Variants in LRSAM1 observed in about 807,000 individuals in gnomAD.
LRSAM1 encodes leucine rich repeat and sterile alpha motif containing 1.
Under a neutral mutation model 118.1 loss-of-function variants are expected in LRSAM1, and 96 were observed. That is an observed-to-expected ratio of 0.81 (90% CI 0.69 to 0.96). The LOEUF is 0.96. LRSAM1 is among the 40% of genes least tolerant of loss of function. The probability of loss-of-function intolerance (pLI) is 0.00; values close to 1 mark genes in which losing one functional copy is unlikely to be tolerated. For missense variants in LRSAM1, 804 were observed against 915.5 expected (o/e 0.88, Z 1.57); for synonymous variants, 322 against 364.2 (o/e 0.88, Z 1.32).
intron 24 of LRSAM1, among the ~76,000 whole-genome samples, chr9:127,498,083 T>C (rs1836226269): frequency 6.6e-6 from 1 of 152,134 alleles, no homozygotes; most frequent in Non-Finnish European, 1.5e-5. Flanking sequence ...GCTGCTGGGC[T>C]GGGCGAGGCT....
intron 10 of LRSAM1, among the ~76,000 whole-genome samples, chr9:127,472,345 A>G (rs1482951066): frequency 2.0e-5 from 3 of 152,144 alleles, no homozygotes; most frequent in Middle Eastern, 3.4e-3. Flanking sequence ...TTGACCTTTT[A>G]AAAAACATTA....
chr9:127,466,515 TTTTTTTTTTTTTTTTC>T (rs1163086583), intron 9 of LRSAM1, among the ~76,000 whole-genome samples: 23 of 88,932 alleles, frequency 2.6e-4, no homozygotes, highest in African/African-American at 9.9e-4. Context: ...TTTTTTTTTT[TTTTTTTTTTTTTTTTC>T]CACTAGAGAT....
At chr9:127,492,439 G>A (rs928452055) in intron 20 of LRSAM1, among the ~76,000 whole-genome samples, 3 of 152,202 alleles carry the variant, frequency 2.0e-5, no homozygotes, top group East Asian at 1.9e-4. Flanking sequence ...TGGTTTGCAC[G>A]CACCTCCATT....
At chr9:127,464,490 A>G (rs1367789024) in intron 9 of LRSAM1, among the ~76,000 whole-genome samples, 1 of 152,192 alleles carries the variant, frequency 6.6e-6, no homozygotes, top group Non-Finnish European at 1.5e-5. Flanking sequence ...GCTTGTGTGT[A>G]CAGCCAGGAA....
At chr9:127,493,088 G>T (rs1588134508) in intron 21 of LRSAM1, among the ~76,000 whole-genome samples, 191 bp downstream of exon 21, 1 of 152,182 alleles carries the variant, frequency 6.6e-6, no homozygotes, top group Non-Finnish European at 1.5e-5. Context: ...TTGAGACAGG[G>T]TCTCACTCTG....
At chr9:127,491,123 C>T in intron 19 of LRSAM1, 92 bp from the exon 20 acceptor site, 1 of 1,093,350 alleles carries the variant, frequency 9.1e-7, no homozygotes, top group Non-Finnish European at 1.4e-6. Context: ...AGAAAGGCTT[C>T]TTAGACCCAC....
chr9:127,452,794 G>T (rs1174836280), intron 2 of LRSAM1, among the ~76,000 whole-genome samples: 1 of 152,206 alleles, frequency 6.6e-6, no homozygotes, highest in African/African-American at 2.4e-5. Flanking sequence ...TCATCCCAAA[G>T]CCTGTGCTGC....
At chr9:127,499,553 T>C (rs1035837665) in intron 24 of LRSAM1, among the ~76,000 whole-genome samples, 2 of 150,748 alleles carry the variant, frequency 1.3e-5, no homozygotes, top group African/African-American at 4.9e-5. Context: ...TATATATATA[T>C]ATATGAATGC....
intron 11 of LRSAM1, among the ~76,000 whole-genome samples, chr9:127,477,827 C>T (rs1288522100): frequency 6.6e-6 from 1 of 152,132 alleles, no homozygotes; most frequent in Non-Finnish European, 1.5e-5. Flanking sequence ...GCAAATGGAT[C>T]ACCTGAGGTC....
At chr9:127,469,748 C>T (rs908343545) in intron 10 of LRSAM1, among the ~76,000 whole-genome samples, 6 of 152,050 alleles carry the variant, frequency 3.9e-5, no homozygotes, top group African/African-American at 1.4e-4. Flanking sequence ...CGGATCATGA[C>T]GTCAGAAGAT....
chr9:127,501,279 A>G (rs1836382469), intron 25 of LRSAM1, 136 bp downstream of exon 25: 6 of 1,182,304 alleles, frequency 5.1e-6, no homozygotes, highest in Non-Finnish European at 7.0e-6. Context: ...AGAAGGCAGG[A>G]AATAAAGATG....
chr9:127,500,358 CAAAAAA>C (rs563842364), intron 24 of LRSAM1, among the ~76,000 whole-genome samples: 5 of 93,540 alleles, frequency 5.3e-5, no homozygotes, highest in East Asian at 3.1e-4. Flanking sequence ...GAGACTGTCT[CAAAAAA>C]AAAAAAAAAA....
In LRSAM1 at chr9:127,495,352, G is replaced by A. The variant is rs762712712; in HGVS notation, c.1632G>A (p.Gln544=). The part of the protein sequence containing the change: ...TELEAKSETR[Q]ENYWLIQYQR... ...TAGAAGCCAAAAGTGAAACCAGGCA[G>A]GAAAATTACTGGCTGATTCAGTATC... The change falls in exon 22 of 26, where the codon CAG becomes CAA. Residue 544 remains glutamine, a synonymous_variant. Coordinates refer to ENST00000300417, the MANE Select transcript of LRSAM1 (RefSeq NM_001005373.4). 5.8e-5 allele frequency: 94 copies of A among 1,613,988 alleles called. No individual in the cohort carries two copies. Among genetic ancestry groups the A allele is most frequent in the Non-Finnish European group, 7.8e-5 (92 of 1,180,010 alleles).
chr9:127,469,339 A>G (rs967994225), intron 10 of LRSAM1, among the ~76,000 whole-genome samples: 3 of 152,080 alleles, frequency 2.0e-5, no homozygotes, highest in Non-Finnish European at 4.4e-5. Flanking sequence ...GCATGGTGGC[A>G]GGCACCTGTA....
intron 8 of LRSAM1, among the ~76,000 whole-genome samples, chr9:127,461,520 C>G (rs1248282010): frequency 2.0e-5 from 3 of 152,238 alleles, no homozygotes; most frequent in African/African-American, 4.8e-5. Context: ...GAGCCTCAGT[C>G]ACTCATATTT....
chr9:127,455,137 A>T (rs1834469203), intron 4 of LRSAM1, 83 bp downstream of exon 4: 2 of 1,395,116 alleles, frequency 1.4e-6, no homozygotes, highest in Admixed American at 1.7e-5. Flanking sequence ...ACAGAGGTGG[A>T]CTGGGGCTTT....
intron 24 of LRSAM1, among the ~76,000 whole-genome samples, chr9:127,498,742 A>C (rs1044270237): frequency 1.3e-5 from 2 of 152,164 alleles, no homozygotes; most frequent in Admixed American, 6.5e-5. Context: ...TTACTCCCAG[A>C]AATCGGTATA....
chr9:127,500,804 C>T (rs967903392), intron 24 of LRSAM1, among the ~76,000 whole-genome samples: 1 of 152,210 alleles, frequency 6.6e-6, no homozygotes, highest in African/African-American at 2.4e-5. Context: ...AGAGACTTCA[C>T]TCCCATTCTG....
intron 2 of LRSAM1, among the ~76,000 whole-genome samples, chr9:127,454,270 G>T (rs1834433987): frequency 6.6e-6 from 1 of 151,820 alleles, no homozygotes; most frequent in Admixed American, 6.6e-5. Context: ...AAAAGATGCA[G>T]CCTCTGCCCC....
Sources: gnomAD v4.1 joint callset for allele counts (sites outside exome capture counted in the v4.1 genomes callset) on GRCh38, gnomAD v4.1.1 for gene constraint, MANE v1.5 for transcripts, NCBI Gene and HGNC (gene_info 2026-07-23, HGNC 2026-07-21) for gene names.